The following PTPRT variants were observed in gnomAD, a reference collection of about 807,000 sequenced individuals.
The protein encoded by PTPRT is receptor-type tyrosine-protein phosphatase T.
A neutral mutation model predicts 176.8 loss-of-function variants in PTPRT; 56 were observed. That is an observed-to-expected ratio of 0.32 (90% confidence interval 0.26 to 0.40). The LOEUF (loss-of-function observed/expected upper bound fraction) is 0.40, where lower values mean the gene tolerates loss of function less well. Among genes scored for constraint, PTPRT ranks in the 10% least tolerant of loss-of-function variants. The pLI, the probability that PTPRT is intolerant of heterozygous loss-of-function variation, is 1.00. For missense variants in PTPRT, 1,540 were observed against 1,908.2 expected (o/e 0.81, Z 3.60); for synonymous variants, 783 against 739.0 (o/e 1.06, Z -0.96).
rs755566477 is a variant in PTPRT at position 42,791,398 on chromosome 20, G to A, written c.283C>T (p.Leu95=). The A allele has an allele frequency of 6.2e-6, 10 of 1,614,164 alleles. No homozygotes were observed. Among genetic ancestry groups the A allele is most frequent in the Non-Finnish European group, 8.5e-6 (10 of 1,180,000 alleles). ...ATGCAGTGGGTGTCATTCTCCTTCA[G>A]GGTTGGCAGGAGAAGGTGGGCCTTC... ...GQKAHLLLPT[L]KENDTHCIDF... is the part of the protein sequence containing the mutation. Residue 95 remains leucine, a synonymous_variant, in exon 3 of 31, where the codon CTG becomes TTG. Transcript: ENST00000373187.
intron 1 of PTPRT, among the ~76,000 whole-genome samples, chr20:43,023,912 T>C (rs1985808861): frequency 2.0e-5 from 3 of 152,158 alleles, no homozygotes; most frequent in African/African-American, 7.2e-5. Flanking sequence ...AATATAGCTT[T>C]GTGTGCTTTC....
intron 7 of PTPRT, among the ~76,000 whole-genome samples, chr20:42,650,178 A>G (rs1412431494): frequency 6.6e-6 from 1 of 152,228 alleles, no homozygotes; most frequent in East Asian, 1.9e-4. Flanking sequence ...CCTTTTTTAC[A>G]GGTGATGAAG....
chr20:42,647,932 CT>C (rs1290554199), intron 7 of PTPRT, among the ~76,000 whole-genome samples: 2 of 152,162 alleles, frequency 1.3e-5, no homozygotes, highest in Non-Finnish European at 2.9e-5. Flanking sequence ...TCAGGAGTTT[CT>C]TCTCTGAGGT....
intron 1 of PTPRT, among the ~76,000 whole-genome samples, chr20:43,046,297 C>T (rs750474274): frequency 1.3e-5 from 2 of 152,086 alleles, no homozygotes; most frequent in Non-Finnish European, 2.9e-5. Context: ...TGAGGCCAGG[C>T]GCGGTGGCTC....
At chr20:42,280,412 A>G (rs1200587269) in intron 13 of PTPRT, among the ~76,000 whole-genome samples, 1 of 152,136 alleles carries the variant, frequency 6.6e-6, no homozygotes, top group Non-Finnish European at 1.5e-5. Context: ...CCCAAGTGCT[A>G]CTGGAGCCTC....
intron 6 of PTPRT, among the ~76,000 whole-genome samples, chr20:42,750,163 G>T (rs2076750309): frequency 6.6e-6 from 1 of 152,144 alleles, no homozygotes; most frequent in African/African-American, 2.4e-5. Flanking sequence ...AATTTTCATA[G>T]TATGTACAGA....
At chr20:42,918,360 A>G (rs1978918220) in intron 1 of PTPRT, among the ~76,000 whole-genome samples, 1 of 152,160 alleles carries the variant, frequency 6.6e-6, no homozygotes, top group African/African-American at 2.4e-5. Flanking sequence ...CTTGTGGATG[A>G]TCCTTTAACA....
chr20:43,057,302 AAGGAATGGAGGAGGAGGGGG>A (rs1987282515), intron 1 of PTPRT, among the ~76,000 whole-genome samples: 1 of 45,878 alleles, frequency 2.2e-5, no homozygotes, highest in Admixed American at 2.8e-4. Context: ...GGGAGGGGGG[AAGGAATGGAGGAGGAGGGGG>A]GAAGGGGAGA....
intron 7 of PTPRT, among the ~76,000 whole-genome samples, chr20:42,631,050 T>C (rs949236809): frequency 6.6e-6 from 1 of 152,118 alleles, no homozygotes; most frequent in African/African-American, 2.4e-5. Context: ...CTAATAAAAT[T>C]GTGCCAGTGA....
chr20:42,468,490 C>T (rs2071137627), intron 8 of PTPRT, among the ~76,000 whole-genome samples: 1 of 152,192 alleles, frequency 6.6e-6, no homozygotes, highest in African/African-American at 2.4e-5. Flanking sequence ...AATCATGTCT[C>T]GTATGTTGGT....
At chr20:42,628,291 G>A (rs1463015592) in intron 7 of PTPRT, among the ~76,000 whole-genome samples, 1 of 152,142 alleles carries the variant, frequency 6.6e-6, no homozygotes, top group Admixed American at 6.5e-5. Flanking sequence ...CAGCAGAGAA[G>A]CTTTCAACCA....
chr20:42,642,560 A>G (rs6072812), intron 7 of PTPRT, among the ~76,000 whole-genome samples: 1 of 152,142 alleles, frequency 6.6e-6, no homozygotes, highest in Non-Finnish European at 1.5e-5. Flanking sequence ...TAAGGACTGT[A>G]TGTACATTAT....
rs770545243 is a variant in PTPRT, at chr20:42,085,806, G to T, written c.3894C>A (p.Pro1298=). The change falls in exon 28 of 31, where the codon CCC becomes CCA. Residue 1298 remains proline, a synonymous_variant. Coordinates refer to ENST00000373187, the MANE Select transcript of PTPRT (RefSeq NM_007050.6). The stretch of plus-strand genomic sequence containing the variant: ...CTGCGGAGACGAACTCCACCTGGAT[G>T]GGCCCATAGCACCCGGAGGTCTTCT... ...WPEKTSGCYG[P]IQVEFVSADI... is the part of the protein sequence containing the mutation. The T allele has an allele frequency of 1.9e-6, 3 of 1,613,670 alleles. No individual in the cohort carries two copies. In the Admixed American group the frequency reaches 5.0e-5, roughly 27 times the overall value.
At chr20:42,424,163 C>A (rs79931177) in intron 9 of PTPRT, among the ~76,000 whole-genome samples, 1,905 of 152,092 alleles carry the variant, frequency 0.013, 41 homozygotes, top group African/African-American at 0.044. Flanking sequence ...TATTTTTTGG[C>A]CCTTAAAACA....
intron 16 of PTPRT, among the ~76,000 whole-genome samples, chr20:42,195,044 C>T (rs1485880307): frequency 6.6e-6 from 1 of 152,062 alleles, no homozygotes; most frequent in Admixed American, 6.6e-5. Flanking sequence ...TTTGGAGATA[C>T]ACCTAATGTT....
At chr20:42,591,423 T>C (rs1295124519) in intron 7 of PTPRT, among the ~76,000 whole-genome samples, 1 of 152,192 alleles carries the variant, frequency 6.6e-6, no homozygotes, top group Non-Finnish European at 1.5e-5. Flanking sequence ...ACAGAGTAGA[T>C]GTTTAATAAG....
the PTPRT span, among the ~76,000 whole-genome samples, chr20:42,052,405 G>A: frequency 5.9e-5 from 9 of 152,352 alleles, no homozygotes; most frequent in African/African-American, 1.9e-4. Context: ...GTGGGTCCCA[G>A]TGATGTCACA....
intron 7 of PTPRT, among the ~76,000 whole-genome samples, chr20:42,675,842 G>A (rs1057077439): frequency 2.6e-5 from 4 of 152,230 alleles, no homozygotes; most frequent in African/African-American, 9.6e-5. Context: ...TGAGGAACCA[G>A]GAAGTGGATC....
chr20:43,023,024 CT>C (rs1985763258), intron 1 of PTPRT, among the ~76,000 whole-genome samples: 1 of 152,228 alleles, frequency 6.6e-6, no homozygotes, highest in South Asian at 2.1e-4. Context: ...TCCCTCCAGC[CT>C]ACCAGCCTAT....
Sources: gnomAD v4.1 joint callset for allele counts (sites outside exome capture counted in the v4.1 genomes callset) on GRCh38, gnomAD v4.1.1 for gene constraint, MANE v1.5 for transcripts, NCBI Gene and HGNC (gene_info 2026-07-23, HGNC 2026-07-21) for gene names.